The following LZTFL1 variants were observed in gnomAD, a reference collection of about 807,000 sequenced individuals.
LZTFL1 encodes the protein leucine zipper transcription factor like 1, also known as leucine zipper transcription factor-like protein 1.
In LZTFL1, 25 loss-of-function variants were observed where a neutral mutation model predicts 45.9. The ratio of observed to expected loss-of-function variants is 0.54; its 90% CI spans 0.40 to 0.76. LZTFL1 has a LOEUF of 0.76. Among genes scored for constraint, LZTFL1 ranks in the 30% least tolerant of loss-of-function variants. LZTFL1 has a pLI of 0.00. For missense variants in LZTFL1, 277 were observed against 331.1 expected (o/e 0.84, Z 1.27); for synonymous variants, 93 against 117.4 (o/e 0.79, Z 1.35).
intron 2 of LZTFL1, among the ~76,000 whole-genome samples, chr3:45,910,464 G>T (rs1702773514): frequency 6.6e-6 from 1 of 152,204 alleles, no homozygotes; most frequent in Non-Finnish European, 1.5e-5. Context: ...CTACCCGGAA[G>T]ATGGTAGCCA....
chr3:45,899,631 T>A (rs1227854340), intron 2 of LZTFL1, among the ~76,000 whole-genome samples: 1 of 152,156 alleles, frequency 6.6e-6, no homozygotes, highest in East Asian at 1.9e-4. Context: ...GAGCTGGTAG[T>A]CCCTGGTGGA....
At chr3:45,905,748 C>T (rs1170782853) in intron 2 of LZTFL1, among the ~76,000 whole-genome samples, 1 of 152,206 alleles carries the variant, frequency 6.6e-6, no homozygotes, top group African/African-American at 2.4e-5. Flanking sequence ...GGGCACTCTG[C>T]CAGCACACCC....
intron 5 of LZTFL1, 69 bp downstream of exon 5, chr3:45,832,981 T>C: frequency 8.4e-7 from 1 of 1,190,840 alleles, no homozygotes; most frequent in South Asian, 1.2e-5. Flanking sequence ...CTTCCACTTC[T>C]GTTTCTCCAC....
rs74337052 is a variant in LZTFL1 at position 45,885,671 on chromosome 3, T to G, written c.-214-26655A>C. ...GGGATAGCCACTAGCTGCATGTGGC[T>G]ATTGAGCACTTGAAATGTACCTGGC... On this transcript the variant is annotated intron_variant, in intron 2 of 4. Transcript: ENST00000472635. Among the ~76,000 whole-genome samples, 681 of 152,364 alleles carry G rather than the reference T, an allele frequency of 4.5e-3. 8 individuals are homozygous for G. The highest frequency in any genetic ancestry group is 0.016 in the African/African-American group (646 of 41,602).
chr3:45,826,242 T>C lies in LZTFL1; in HGVS notation c.*72A>G. On this transcript the variant is annotated 3_prime_UTR_variant, in exon 10 of 10. Coordinates refer to ENST00000296135, the MANE Select transcript of LZTFL1 (RefSeq NM_020347.4). Reference sequence around the variant, plus strand: ...GGAGAGGGGATATGACAAAATGCTTTTCAAAATACATGCCTGAGGTGAGAC... The same window carrying C: ...GGAGAGGGGATATGACAAAATGCTTCTCAAAATACATGCCTGAGGTGAGAC... 7.2e-7 allele frequency: 1 copy of C among 1,381,232 alleles called. No individual in the cohort carries two copies. Among genetic ancestry groups the C allele is most frequent in the Non-Finnish European group, 1.0e-6 (1 of 978,276 alleles). The allele number at this position is 1,381,232 out of a possible 1,614,324, so 85.6% of individuals were successfully genotyped here.
intron 4 of LZTFL1, among the ~76,000 whole-genome samples, chr3:45,854,765 G>C (rs1701362911): frequency 6.6e-6 from 1 of 152,168 alleles, no homozygotes; most frequent in Non-Finnish European, 1.5e-5. Flanking sequence ...ATCTGCCAAT[G>C]AGATGATTCA....
rs949044919 is a variant in LZTFL1, at chr3:45,871,316, C to A, written c.-214-12300G>T. Among the ~76,000 whole-genome samples, 3 of 152,224 alleles carry A rather than the reference C, an allele frequency of 2.0e-5. No individual in the cohort carries two copies. In the South Asian group the frequency reaches 6.2e-4, roughly 32 times the overall value. Reference sequence around the variant, plus strand: ...AGTGTGGCTGAACCCATTTTTGCACCCTCAGGAATGGGTGAGAGGCCATGA... The same window carrying A: ...AGTGTGGCTGAACCCATTTTTGCACACTCAGGAATGGGTGAGAGGCCATGA... On this transcript the variant is annotated intron_variant, in intron 2 of 4. Transcript: ENST00000472635.
At chr3:45,841,893 G>A (rs1005953552) in intron 1 of LZTFL1, 96 bp downstream of exon 1, 2 of 1,483,748 alleles carry the variant, frequency 1.3e-6, no homozygotes, top group Admixed American at 1.9e-5. Flanking sequence ...ACCCAACGAG[G>A]CCACGTAATC....
Position 45,828,599 on chromosome 3 carries a change from T to C in LZTFL1, c.617A>G (p.Gln206Arg), listed in dbSNP as rs763427773. Residue 206 changes from glutamine (Q) to arginine (R), a missense_variant, in exon 8 of 10, where the codon CAA becomes CGA. Physicochemically the swap from Gln to Arg is conservative, Grantham distance 43. Coordinates refer to ENST00000296135, the MANE Select transcript of LZTFL1 (RefSeq NM_020347.4). ...QGNQKDFIKA[Q>R]DLSNLENTVA... ...AGTGTTTTCTAAGTTACTTAAGTCT[T>C]GGGCCTTTATAAAATCCTATGAAAA... 6.8e-6 allele frequency: 11 copies of C among 1,606,748 alleles called. No homozygotes were observed. The highest frequency in any genetic ancestry group is 9.3e-6 in the Non-Finnish European group (11 of 1,178,064).
At chr3:45,873,925 CA>C (rs1351161071) in intron 2 of LZTFL1, among the ~76,000 whole-genome samples, 9 of 152,224 alleles carry the variant, frequency 5.9e-5, no homozygotes, top group Non-Finnish European at 1.2e-4. Context: ...CTATCACCAT[CA>C]GTAGTGATGG....
At chr3:45,827,627 C>T (rs1315465255) in intron 8 of LZTFL1, among the ~76,000 whole-genome samples, 168 bp from the exon 9 acceptor site, 1 of 152,036 alleles carries the variant, frequency 6.6e-6, no homozygotes, top group African/African-American at 2.4e-5. Flanking sequence ...ACTATCCAAA[C>T]TTTAAAAATA....
chr3:45,905,497 T>C (rs1463872867), intron 2 of LZTFL1, among the ~76,000 whole-genome samples: 1 of 152,274 alleles, frequency 6.6e-6, no homozygotes, highest in Non-Finnish European at 1.5e-5. Flanking sequence ...CGCTCAATTG[T>C]GGCACCACAA....
intron 2 of LZTFL1, among the ~76,000 whole-genome samples, chr3:45,868,611 G>A (rs1193450624): frequency 6.6e-6 from 1 of 152,198 alleles, no homozygotes; most frequent in Non-Finnish European, 1.5e-5. Context: ...AGAAAAGTGA[G>A]GCTTAACAAG....
chr3:45,873,207 T>C (rs1050954498), intron 2 of LZTFL1, among the ~76,000 whole-genome samples: 2 of 152,194 alleles, frequency 1.3e-5, no homozygotes, highest in African/African-American at 4.8e-5. Context: ...GATTTGTTAA[T>C]GGCAGAGTTG....
intron 2 of LZTFL1, among the ~76,000 whole-genome samples, chr3:45,866,714 C>T (rs1701583025): frequency 6.6e-6 from 1 of 152,186 alleles, no homozygotes. Flanking sequence ...TAGAGTCTTT[C>T]AATATAACCA....
chr3:45,836,248 T>G (rs1432545555), intron 2 of LZTFL1, among the ~76,000 whole-genome samples: 2 of 152,114 alleles, frequency 1.3e-5, no homozygotes, highest in Non-Finnish European at 2.9e-5. Flanking sequence ...ATATATTGCT[T>G]CTCTTTGCAT....
intron 2 of LZTFL1, among the ~76,000 whole-genome samples, chr3:45,886,881 A>C (rs1426407822): frequency 6.6e-6 from 1 of 152,144 alleles, no homozygotes; most frequent in Non-Finnish European, 1.5e-5. Context: ...CTTCACATAC[A>C]TGAAGCTTAG....
intron 7 of LZTFL1, among the ~76,000 whole-genome samples, chr3:45,828,855 C>A (rs1274916526): frequency 6.6e-6 from 1 of 152,044 alleles, no homozygotes; most frequent in East Asian, 1.9e-4. Flanking sequence ...CCACTGAATT[C>A]CAAATACATA....
chr3:45,894,404 T>A (rs1306563705), intron 2 of LZTFL1, among the ~76,000 whole-genome samples: 1 of 152,170 alleles, frequency 6.6e-6, no homozygotes, highest in Non-Finnish European at 1.5e-5. Flanking sequence ...CAAAGGCCCT[T>A]TTCCTGGGGA....
Sources: gnomAD v4.1 joint callset for allele counts (sites outside exome capture counted in the v4.1 genomes callset) on GRCh38, gnomAD v4.1.1 for gene constraint, MANE v1.5 for transcripts, NCBI Gene and HGNC (gene_info 2026-07-23, HGNC 2026-07-21) for gene names.